The following NAV3 variants were observed in gnomAD, a reference collection of about 807,000 sequenced individuals.
NAV3 encodes neuron navigator 3.
Under a neutral mutation model 244.7 loss-of-function variants are expected in NAV3, and 87 were observed. The ratio of observed to expected loss-of-function variants is 0.36; its 90% CI spans 0.30 to 0.42. The LOEUF (loss-of-function observed/expected upper bound fraction) is 0.42. Among genes scored for constraint, NAV3 ranks in the 20% least tolerant of loss-of-function variants. The pLI is 1.00. For missense variants in NAV3, 2,663 were observed against 2,893.3 expected (o/e 0.92, Z 1.83); for synonymous variants, 1,126 against 1,042.2 (o/e 1.08, Z -1.55).
intron 2 of NAV3, among the ~76,000 whole-genome samples, chr12:77,633,924 G>A (rs999524687): frequency 2.6e-5 from 4 of 152,110 alleles, no homozygotes; most frequent in African/African-American, 9.7e-5. Flanking sequence ...AATATAAAAT[G>A]TGTTTCTAAT....
At chr12:78,090,074 CTA>C (rs1394366270) in intron 12 of NAV3, among the ~76,000 whole-genome samples, 1 of 151,810 alleles carries the variant, frequency 6.6e-6, no homozygotes. Context: ...CTAAGTTTAT[CTA>C]TGTCTCTTAT....
At chr12:77,820,500 C>G (rs1391676667) in intron 2 of NAV3, among the ~76,000 whole-genome samples, 1 of 152,178 alleles carries the variant, frequency 6.6e-6, no homozygotes, top group African/African-American at 2.4e-5. Context: ...GATTCAATCA[C>G]TTTCCAAAGG....
intron 11 of NAV3, among the ~76,000 whole-genome samples, chr12:78,057,609 CACTT>C (rs1293913995): frequency 1.1e-4 from 17 of 152,314 alleles, no homozygotes; most frequent in African/African-American, 3.1e-4. Flanking sequence ...ATTTATATGT[CACTT>C]ACAATGTGCT....
intron 2 of NAV3, among the ~76,000 whole-genome samples, chr12:77,668,706 C>T (rs1391723708): frequency 1.3e-5 from 2 of 152,136 alleles, no homozygotes; most frequent in African/African-American, 4.8e-5. Flanking sequence ...AAATCTAAAA[C>T]TTTGGAAAAC....
intron 2 of NAV3, among the ~76,000 whole-genome samples, chr12:77,598,577 T>C (rs574766009): frequency 6.6e-6 from 1 of 152,094 alleles, no homozygotes; most frequent in Admixed American, 6.6e-5. Flanking sequence ...CCTGGCTTTA[T>C]TGAAGTATAA....
At chr12:77,741,148 C>CAAAAAAAAAAAAAAAAAAAAAAAAAAGAA in intron 2 of NAV3, among the ~76,000 whole-genome samples, 3 of 68,666 alleles carry the variant, frequency 4.4e-5, no homozygotes, top group Admixed American at 1.8e-4. Flanking sequence ...AAAAAAAAGA[C>CAAAAAAAAAAAAAAAAAAAAAAAAAAGAA]AAAAAAAAAA....
Position 78,119,096 on chromosome 12 carries a change from A to G in NAV3, c.3041-141A>G, listed in dbSNP as rs571497420. On this transcript the variant is annotated intron_variant, in intron 14 of 39. Transcript: ENST00000397909. Reference sequence around the variant, plus strand: ...TAGCTATGCACTCAGTCCTCTCAATATATGAGATTTTTGATCTAAGACAAT... The same window carrying G: ...TAGCTATGCACTCAGTCCTCTCAATGTATGAGATTTTTGATCTAAGACAAT... 7 of 904,964 alleles carry G rather than the reference A, an allele frequency of 7.7e-6. No individual in the cohort carries two copies. The South Asian group carries it at 1.0e-4, about 13-fold the overall frequency. The allele number at this position is 904,964 out of a possible 1,614,324, so 56.1% of individuals were successfully genotyped here.
intron 2 of NAV3, among the ~76,000 whole-genome samples, chr12:77,703,475 T>C (rs898300852): frequency 6.6e-6 from 1 of 152,158 alleles, no homozygotes; most frequent in African/African-American, 2.4e-5. Flanking sequence ...TGAATAAAGC[T>C]ATTATGAACA....
chr12:77,873,731 C>CAT (rs1174516221), intron 1 of NAV3, among the ~76,000 whole-genome samples: 1 of 54,338 alleles, frequency 1.8e-5, no homozygotes, highest in African/African-American at 5.7e-5. Flanking sequence ...TATCTAAATA[C>CAT]ATATGTGTGT....
rs182598366 is a variant in NAV3, at chr12:77,790,612, T to C, written c.73-149707T>C. 2.0e-5 allele frequency among the ~76,000 whole-genome samples: 3 copies of C among 152,302 alleles called. No individual in the cohort carries two copies. In the East Asian group the frequency reaches 5.8e-4, roughly 29 times the overall value. ...ATGGTTTGATCAGGGCCCACCTTTG[T>C]ACCCTAGTTTACTAGGACTTCTCTT... is the stretch of plus-strand genomic sequence containing the variant. On this transcript the variant is annotated intron_variant, in intron 2 of 8. Coordinates refer to the NAV3 transcript ENST00000550042.
intron 5 of NAV3, among the ~76,000 whole-genome samples, chr12:77,993,858 C>T (rs1871867761): frequency 6.6e-6 from 1 of 152,164 alleles, no homozygotes; most frequent in Admixed American, 6.5e-5. Flanking sequence ...CATGTCGAGC[C>T]ATTCCAATTC....
chr12:78,076,243 A>T (rs1379326718), intron 12 of NAV3, among the ~76,000 whole-genome samples: 1 of 151,964 alleles, frequency 6.6e-6, no homozygotes, highest in Non-Finnish European at 1.5e-5. Context: ...GAAATCCCAT[A>T]CTCAACCTGG....
At chr12:77,932,806 C>G (rs1888935977) in intron 1 of NAV3, among the ~76,000 whole-genome samples, 1 of 152,160 alleles carries the variant, frequency 6.6e-6, no homozygotes, top group Admixed American at 6.5e-5. Flanking sequence ...CCAACCCTTA[C>G]CTGATTCCTG....
At chr12:78,019,378 C>T (rs1472949123) in intron 8 of NAV3, among the ~76,000 whole-genome samples, 1 of 152,096 alleles carries the variant, frequency 6.6e-6, no homozygotes, top group Non-Finnish European at 1.5e-5. Flanking sequence ...TATTCTGATA[C>T]AAGACTGGAC....
At chr12:77,591,544 T>A (rs574417457) in intron 2 of NAV3, among the ~76,000 whole-genome samples, 7 of 152,298 alleles carry the variant, frequency 4.6e-5, no homozygotes, top group African/African-American at 1.4e-4. Flanking sequence ...ATTTCTTGAG[T>A]CTATAGAACC....
At chr12:77,799,939 C>T (rs1871618693) in intron 2 of NAV3, among the ~76,000 whole-genome samples, 1 of 152,094 alleles carries the variant, frequency 6.6e-6, no homozygotes, top group Non-Finnish European at 1.5e-5. Context: ...AGAATCTCAA[C>T]AGTAAGTTCA....
intron 1 of NAV3, among the ~76,000 whole-genome samples, chr12:77,862,153 T>A (rs190545638): frequency 1.4e-4 from 21 of 151,952 alleles, no homozygotes; most frequent in African/African-American, 4.8e-4. Context: ...AATGAATTTT[T>A]TTTTTTTGGT....
At chr12:77,895,776 C>A (rs1592927387) in intron 1 of NAV3, among the ~76,000 whole-genome samples, 1 of 144,748 alleles carries the variant, frequency 6.9e-6, no homozygotes, top group Non-Finnish European at 1.5e-5. Flanking sequence ...GAAACATTTA[C>A]CCAAATGTTC....
intron 1 of NAV3, among the ~76,000 whole-genome samples, chr12:77,856,170 G>A (rs1008227116): frequency 2.6e-5 from 4 of 152,056 alleles, no homozygotes; most frequent in African/African-American, 4.8e-5. Flanking sequence ...TTTACCAATG[G>A]ATATATATAA....
Sources: allele counts gnomAD v4.1 joint callset (sites outside exome capture counted in the v4.1 genomes callset), GRCh38; gene constraint gnomAD v4.1.1; transcripts MANE v1.5; gene names NCBI Gene and HGNC (gene_info 2026-07-23, HGNC 2026-07-21).